The following PRG4 variants were observed in gnomAD, a reference collection of about 807,000 sequenced individuals.
PRG4 encodes the protein articular superficial zone protein.
In PRG4, 61 loss-of-function variants were observed where a neutral mutation model predicts 91.2. That is an observed-to-expected ratio of 0.67 (90% CI 0.54 to 0.83). PRG4 has a LOEUF of 0.83. PRG4 is among the 40% of genes least tolerant of loss of function. PRG4 has a pLI of 0.00. For missense variants in PRG4, 1,564 were observed against 1,714.2 expected, an observed-to-expected ratio of 0.91 and a Z score of 1.55; for synonymous variants, 576 against 614.2, an observed-to-expected ratio of 0.94 and a Z score of 0.92.
rs1388153411 is a variant in PRG4, at chr1:186,311,155, A to G, written c.3621A>G (p.Lys1207=). The change falls in exon 9 of 13, where the codon AAA becomes AAG. Residue 1207 remains lysine, a synonymous_variant. Coordinates refer to ENST00000445192, the MANE Select transcript of PRG4 (RefSeq NM_005807.6). ...TTACTAGGTGCAACTGTGAAGGAAA[A>G]ACTTTCTTCTTTAAGGTAACACAAA... ...TVFTRCNCEG[K]TFFFKDSQYW... 5 of 1,612,470 alleles carry G rather than the reference A, an allele frequency of 3.1e-6. No individual in the cohort carries two copies. Among genetic ancestry groups the G allele is most frequent in the East Asian group, 2.2e-5 (1 of 44,846 alleles).
In PRG4 at chr1:186,306,123, A is replaced by T. The variant is rs183374360; in HGVS notation, c.599-195A>T. Among the ~76,000 whole-genome samples the T allele has an allele frequency of 1.2e-3, 183 of 152,302 alleles. 1 individual carries two copies. The highest frequency in any genetic ancestry group is 4.2e-3 in the African/African-American group (174 of 41,558). ...TTTTATTTGTGCTTTTTCATCCCTC[A>T]TCTCATTTATTCCCTAAAACAGCCC... On this transcript the variant is annotated intron_variant, in intron 6 of 12. Transcript: ENST00000445192.
chr1:186,301,594 C>G lies in PRG4; in HGVS notation c.202C>G (p.Leu68Val). Residue 68 changes from leucine (L) to valine (V), a missense_variant and splice_region_variant, in exon 4 of 13, where the codon CTT (leucine) becomes GTT (valine). Leu to Val is a conservative substitution (Grantham distance 32, BLOSUM62 1). Coordinates refer to ENST00000445192, the MANE Select transcript of PRG4 (RefSeq NM_005807.6). ...PDFKRVCTAE[L>V]SCKGRCFESF... is the part of the protein sequence containing the mutation. ...ACTTCTTGTTTTGCTCTGGGTAGAG[C>G]TTTCCTGTAAAGGCCGCTGCTTTGA... 1 of 1,613,954 alleles carries G rather than the reference C, an allele frequency of 6.2e-7. No homozygotes were observed. The highest frequency in any genetic ancestry group is 8.5e-7 in the Non-Finnish European group (1 of 1,179,948).
intron 8 of PRG4, among the ~76,000 whole-genome samples, chr1:186,310,389 A>G (rs1402617345): frequency 1.3e-5 from 2 of 152,212 alleles, no homozygotes; most frequent in Non-Finnish European, 2.9e-5. Context: ...TTCGTACAGT[A>G]GAGGCTAAAG....
At chr1:186,301,526 G>A in intron 3 of PRG4, 66 bp from the exon 4 acceptor site, 2 of 1,607,588 alleles carry the variant, frequency 1.2e-6, no homozygotes, top group East Asian at 2.2e-5. Context: ...GTGGGAAATG[G>A]CTGTCAAATA....
chr1:186,313,173 G>A, intron 12 of PRG4: 1 of 460,810 alleles, frequency 2.2e-6, no homozygotes, highest in Non-Finnish European at 4.0e-6. Context: ...TCTATCATTT[G>A]TGGCATTTAA....
At chr1:186,297,192 A>G (rs1316854674) in intron 2 of PRG4, among the ~76,000 whole-genome samples, 1 of 152,278 alleles carries the variant, frequency 6.6e-6, no homozygotes, top group South Asian at 2.1e-4. Context: ...TGTTATTTCT[A>G]TGGTTCTCTC....
intron 5 of PRG4, 39 bp from the exon 6 acceptor site, chr1:186,304,755 T>A: frequency 6.3e-7 from 1 of 1,592,532 alleles, no homozygotes; most frequent in Non-Finnish European, 8.6e-7. Flanking sequence ...TTGTTTTAAA[T>A]CACAGTTGGT....
chr1:186,298,861 CT>C (rs1295010610), intron 2 of PRG4, among the ~76,000 whole-genome samples: 2 of 151,974 alleles, frequency 1.3e-5, no homozygotes, highest in South Asian at 4.1e-4. Context: ...TTCTCATTCT[CT>C]TTTTTCTTTA....
In PRG4 at chr1:186,308,995, A is replaced by G. The variant is rs185510926; in HGVS notation, c.3276A>G (p.Pro1092=). 7 of 1,609,580 alleles carry G rather than the reference A, an allele frequency of 4.3e-6. No homozygotes were observed. Among genetic ancestry groups the G allele is most frequent in the East Asian group, 4.5e-5 (2 of 44,830 alleles). ...ACTCCAAACTAGTTGAAGTAAATCC[A>G]AAGAGTGAAGATGCAGGTGGTGCTG... ...TPNSKLVEVN[P]KSEDAGGAEG... is the part of the protein sequence containing the mutation. The change falls in exon 7 of 13, where the codon CCA becomes CCG. Residue 1092 remains proline, a synonymous_variant. Transcript: ENST00000445192.
At position 186,314,040 on chromosome 1, in the gene PRG4, A is replaced by C. The variant is rs1343361832; in HGVS notation, c.*262A>C. The stretch of plus-strand genomic sequence containing the variant: ...CATGGCTCACACCTGTAAAAGAAAA[A>C]AGAATCAAATTGAATATATCTTTTA... On this transcript the variant is annotated 3_prime_UTR_variant, in exon 13 of 13. Transcript: ENST00000445192. 3 of 1,607,230 alleles carry C rather than the reference A, an allele frequency of 1.9e-6. No individual in the cohort carries two copies. The highest frequency in any genetic ancestry group is 2.5e-6 in the Non-Finnish European group (3 of 1,178,064).
Position 186,310,135 on chromosome 1 carries a change from T to TGGG in PRG4, c.3499+275_3499+277dup, listed in dbSNP as rs33985418. Among the ~76,000 whole-genome samples the TGGG allele has an allele frequency of 5.1e-3, 438 of 86,262 alleles. 6 individuals carry two copies. The highest frequency in any genetic ancestry group is 7.5e-3 in the South Asian group (15 of 2,002). The allele number at this position is 86,262 out of a possible 152,430, so 56.6% of individuals were successfully genotyped here. A position where few individuals can be genotyped will look rare whatever the true frequency, so the allele number is the denominator to read the frequency against. The stretch of plus-strand genomic sequence containing the variant: ...GATTTAAAAAGTAGTTCATTTTTTT[T>TGGG]GGGGGGGGGGGGTAGTTAAAATTTA... On this transcript the variant is annotated intron_variant, in intron 8 of 12. Coordinates refer to ENST00000445192, the MANE Select transcript of PRG4 (RefSeq NM_005807.6).
At chr1:186,296,468 A>G (rs1655869574) in intron 1 of PRG4, among the ~76,000 whole-genome samples, 175 bp downstream of exon 1, 2 of 152,246 alleles carry the variant, frequency 1.3e-5, no homozygotes, top group African/African-American at 4.8e-5. Context: ...TTGGAACAGT[A>G]ACTCCATGAT....
intron 6 of PRG4, among the ~76,000 whole-genome samples, chr1:186,305,337 A>C (rs569820108): frequency 6.6e-6 from 1 of 152,316 alleles, no homozygotes; most frequent in South Asian, 2.1e-4. Context: ...TAACTCATTA[A>C]ATTCTTACAA....
At position 186,304,252 on chromosome 1, in the gene PRG4, CAG is replaced by C; in HGVS notation, c.466_467del (p.Glu156ArgfsTer6). On this transcript the variant is annotated frameshift_variant, in exon 5 of 13. Coordinates refer to ENST00000445192, the MANE Select transcript of PRG4 (RefSeq NM_005807.6). LOFTEE classifies it high-confidence loss of function. ...AAAGTTATAGAATCAGAGGAAATAA[CAG>C]AAGGTAGGAAGATGACAGATATAAT... The C allele has an allele frequency of 6.2e-7, 1 of 1,612,760 alleles. No individual in the cohort carries two copies. Among genetic ancestry groups the C allele is most frequent in the South Asian group, 1.1e-5 (1 of 91,066 alleles).
chr1:186,310,589 C>A (rs1657128016), intron 8 of PRG4, among the ~76,000 whole-genome samples: 1 of 152,014 alleles, frequency 6.6e-6, no homozygotes, highest in African/African-American at 2.4e-5. Flanking sequence ...CCCAAGTGAT[C>A]CTCCCATCTC....
chr1:186,307,142 GCACCCACCAC>G lies in PRG4; in HGVS notation c.1424_1433del (p.Ala475ValfsTer434). 8.8e-7 allele frequency: 1 copy of G among 1,132,336 alleles called. No homozygotes were observed. The highest frequency in any genetic ancestry group is 1.5e-5 in the South Asian group (1 of 64,808). 70.1% of individuals were successfully genotyped at this position (1,132,336 alleles called of 1,614,324 possible). On this transcript the variant is annotated frameshift_variant, in exon 7 of 13. Coordinates refer to ENST00000445192, the MANE Select transcript of PRG4 (RefSeq NM_005807.6). LOFTEE classifies it high-confidence loss of function. ...GCCTGCACCCACCACCAAGGAGCCT[GCACCCACCAC>G]TCCCAAAGAGCCTGCACCCACTGCC...
chr1:186,314,525 TG>T lies in PRG4; in HGVS notation c.*749del. On this transcript the variant is annotated 3_prime_UTR_variant, in exon 13 of 13. Transcript: ENST00000445192. ...AACATGTAATTATTTAATAAAACTT[TG>T]GAACATTAAAAAAATAAATTGGAGG... 2.4e-6 allele frequency: 2 copies of T among 816,888 alleles called. No individual in the cohort carries two copies. The highest frequency in any genetic ancestry group is 2.8e-5 in the East Asian group (1 of 35,492). The allele number at this position is 816,888 out of a possible 1,614,324, so 50.6% of individuals were successfully genotyped here. A position where few individuals can be genotyped will look rare whatever the true frequency, so the allele number is the denominator to read the frequency against.
At position 186,298,383 on chromosome 1, in the gene PRG4, A is replaced by AAAAT. The variant is rs552206755; in HGVS notation, c.76+1452_76+1455dup. On this transcript the variant is annotated intron_variant, in intron 2 of 12. Transcript: ENST00000445192. ...GGCAACAGAGTGAGACTCTGTCTCA[A>AAAAT]AAATAAATAAATAAATAAATAAAAT... is the stretch of plus-strand genomic sequence containing the variant. 9.2e-3 allele frequency among the ~76,000 whole-genome samples: 1,399 copies of AAAAT among 152,276 alleles called. 23 individuals are homozygous for AAAAT. The highest frequency in any genetic ancestry group is 0.031 in the African/African-American group (1,269 of 41,542).
Position 186,311,597 on chromosome 1 carries a change from G to T in PRG4, c.3793+1G>T. On this transcript the variant is annotated splice_donor_variant, in intron 10 of 12. Transcript: ENST00000445192. LOFTEE classifies it high-confidence loss of function. ...GAATCTGTGTATTTTTTCAAGAGAG[G>T]TATGTGTTACATAATTGACAAGATT... is the stretch of plus-strand genomic sequence containing the variant. The T allele has an allele frequency of 6.2e-7, 1 of 1,613,016 alleles. No homozygotes were observed. The highest frequency in any genetic ancestry group is 8.5e-7 in the Non-Finnish European group (1 of 1,179,182).
Sources: allele counts gnomAD v4.1 joint callset (sites outside exome capture counted in the v4.1 genomes callset), GRCh38; gene constraint gnomAD v4.1.1; transcripts MANE v1.5; gene names NCBI Gene and HGNC (gene_info 2026-07-23, HGNC 2026-07-21).